Variants in PKNOX2 observed in about 807,000 individuals in gnomAD.
PKNOX2 encodes the protein homeobox protein PKNOX2.
In PKNOX2, 14 loss-of-function variants were observed where a neutral mutation model predicts 53.1. That is an observed-to-expected ratio of 0.26 (90% CI 0.17 to 0.41). The LOEUF (loss-of-function observed/expected upper bound fraction) is 0.41. PKNOX2 is among the 10% of genes least tolerant of loss of function. PKNOX2 has a pLI of 1.00. For missense variants in PKNOX2, 496 were observed against 602.8 expected (o/e 0.82, Z 1.85); for synonymous variants, 257 against 242.8 (o/e 1.06, Z -0.54).
intron 2 of PKNOX2, among the ~76,000 whole-genome samples, chr11:125,318,707 T>C (rs76926648): frequency 0.021 from 3,132 of 152,302 alleles, 108 homozygotes; most frequent in African/African-American, 0.07. Flanking sequence ...ATCTCAATGA[T>C]ATGGTTCGGC....
intron 4 of PKNOX2, among the ~76,000 whole-genome samples, chr11:125,364,249 C>T (rs913626537): frequency 9.9e-5 from 15 of 152,194 alleles, no homozygotes; most frequent in Admixed American, 2.0e-4. Flanking sequence ...AACACTCATT[C>T]GTCAAACCTG....
chr11:125,390,160 C>G (rs1226503310), intron 6 of PKNOX2, among the ~76,000 whole-genome samples: 1 of 152,230 alleles, frequency 6.6e-6, no homozygotes, highest in Non-Finnish European at 1.5e-5. Flanking sequence ...TTATAGAGCA[C>G]TTACCAGGTG....
chr11:125,395,460 A>C (rs1168960419), intron 6 of PKNOX2, among the ~76,000 whole-genome samples: 1 of 152,208 alleles, frequency 6.6e-6, no homozygotes, highest in Non-Finnish European at 1.5e-5. Flanking sequence ...GCTGGGTCAT[A>C]TGGTACGCAC....
intron 2 of PKNOX2, among the ~76,000 whole-genome samples, chr11:125,237,920 C>T (rs1942850951): frequency 6.6e-6 from 1 of 152,164 alleles, no homozygotes; most frequent in Admixed American, 6.5e-5. Flanking sequence ...GTAGGTTTCA[C>T]ACAAAGATTA....
At chr11:125,340,426 C>T (rs1299443684) in intron 3 of PKNOX2, among the ~76,000 whole-genome samples, 8 of 152,200 alleles carry the variant, frequency 5.3e-5, no homozygotes, top group Admixed American at 5.2e-4. Context: ...CTGAGACTTC[C>T]AGTTAAACCT....
intron 3 of PKNOX2, among the ~76,000 whole-genome samples, chr11:125,350,952 G>A (rs1299876190): frequency 6.6e-6 from 1 of 152,138 alleles, no homozygotes; most frequent in East Asian, 1.9e-4. Flanking sequence ...CAGTCCCCCG[G>A]TGCTGCTACC....
At chr11:125,246,552 T>C (rs1943578247) in intron 2 of PKNOX2, among the ~76,000 whole-genome samples, 1 of 152,172 alleles carries the variant, frequency 6.6e-6, no homozygotes, top group Non-Finnish European at 1.5e-5. Context: ...GACCACAGCA[T>C]CTGGAGGAAG....
intron 2 of PKNOX2, among the ~76,000 whole-genome samples, chr11:125,297,101 C>T (rs1316949961): frequency 6.6e-6 from 1 of 152,240 alleles, no homozygotes; most frequent in African/African-American, 2.4e-5. Flanking sequence ...AGGACGCTTA[C>T]ATGCTAAGTT....
At chr11:125,275,897 T>TCTTTAA (rs1339722920) in intron 2 of PKNOX2, among the ~76,000 whole-genome samples, 1 of 152,024 alleles carries the variant, frequency 6.6e-6, no homozygotes, top group Non-Finnish European at 1.5e-5. Flanking sequence ...GACCTGCATG[T>TCTTTAA]GTAAGAAGGT....
chr11:125,237,563 T>C (rs1265449438), intron 2 of PKNOX2, among the ~76,000 whole-genome samples: 1 of 152,208 alleles, frequency 6.6e-6, no homozygotes, highest in Non-Finnish European at 1.5e-5. Context: ...GGAACCCTTC[T>C]TTGGGGGTGA....
chr11:125,404,790 C>T (rs1954975396), intron 7 of PKNOX2, among the ~76,000 whole-genome samples: 1 of 152,206 alleles, frequency 6.6e-6, no homozygotes, highest in Non-Finnish European at 1.5e-5. Flanking sequence ...AAGCCTGCCA[C>T]CAAGCTAGGG....
intron 4 of PKNOX2, among the ~76,000 whole-genome samples, chr11:125,364,822 C>A (rs796831909): frequency 2.0e-5 from 3 of 152,226 alleles, no homozygotes; most frequent in African/African-American, 7.2e-5. Flanking sequence ...TTAAAACACC[C>A]TCATGGTGTC....
intron 1 of PKNOX2, among the ~76,000 whole-genome samples, chr11:125,188,884 A>C (rs1041060361): frequency 6.6e-6 from 1 of 151,560 alleles, no homozygotes; most frequent in East Asian, 1.9e-4. Context: ...AAGTGTGAGC[A>C]TGAGCCGGGA....
intron 5 of PKNOX2, among the ~76,000 whole-genome samples, chr11:125,383,959 A>C (rs1038062075): frequency 6.6e-6 from 1 of 152,188 alleles, no homozygotes; most frequent in Admixed American, 6.5e-5. Context: ...AAAACAAAAC[A>C]AAACAAAAAC....
intron 7 of PKNOX2, among the ~76,000 whole-genome samples, chr11:125,398,706 G>C (rs928944715): frequency 4.6e-5 from 7 of 152,220 alleles, no homozygotes; most frequent in Non-Finnish European, 8.8e-5. Flanking sequence ...GCAAGATGGG[G>C]TTTCCCCTCC....
At chr11:125,349,389 C>G (rs536955808) in intron 3 of PKNOX2, among the ~76,000 whole-genome samples, 41 of 152,258 alleles carry the variant, frequency 2.7e-4, no homozygotes, top group Non-Finnish European at 4.9e-4. Context: ...CGTCCCTTTG[C>G]AAAAGGAAAT....
chr11:125,265,697 C>T (rs1945276570), intron 2 of PKNOX2, among the ~76,000 whole-genome samples: 1 of 152,200 alleles, frequency 6.6e-6, no homozygotes, highest in African/African-American at 2.4e-5. Context: ...GCTCAGCCCC[C>T]ACCCCAATGG....
At chr11:125,368,265 G>A (rs1182172360) in intron 5 of PKNOX2, among the ~76,000 whole-genome samples, 2 of 152,090 alleles carry the variant, frequency 1.3e-5, no homozygotes, top group African/African-American at 4.8e-5. Flanking sequence ...GAAACCCTCC[G>A]CTCAGCCAAA....
At chr11:125,170,720 C>T (rs1254567415) in intron 1 of PKNOX2, among the ~76,000 whole-genome samples, 1 of 152,296 alleles carries the variant, frequency 6.6e-6, no homozygotes, top group South Asian at 2.1e-4. Flanking sequence ...ATAAGAAACC[C>T]TAAACCAGGC....
Sources: allele counts gnomAD v4.1 joint callset (sites outside exome capture counted in the v4.1 genomes callset), GRCh38; gene constraint gnomAD v4.1.1; transcripts MANE v1.5; gene names NCBI Gene and HGNC (gene_info 2026-07-23, HGNC 2026-07-21).